Variants in CNTNAP2 observed in about 807,000 individuals in gnomAD.
The protein encoded by CNTNAP2 is contactin associated protein 2.
A neutral mutation model predicts 155.2 loss-of-function variants in CNTNAP2; 98 were observed. The observed-to-expected ratio is 0.63, with a 90% confidence interval of 0.54 to 0.75. The LOEUF (loss-of-function observed/expected upper bound fraction) is 0.75. Ranked by LOEUF, CNTNAP2 falls within the 30% of genes least tolerant of loss-of-function variation. CNTNAP2 has a pLI of 0.00. For synonymous variants in CNTNAP2, 651 were observed against 631.2 expected, an observed-to-expected ratio of 1.03 and a Z score of -0.47; for missense variants, 1,727 against 1,688.1, an observed-to-expected ratio of 1.02 and a Z score of -0.40.
intron 18 of CNTNAP2, among the ~76,000 whole-genome samples, chr7:148,186,651 G>A (rs958640690): frequency 6.6e-6 from 1 of 152,128 alleles, no homozygotes; most frequent in African/African-American, 2.4e-5. Flanking sequence ...CTGGCTCTGG[G>A]TTCAAATTCC....
At chr7:146,633,516 A>G (rs1010443935) in intron 1 of CNTNAP2, among the ~76,000 whole-genome samples, 2 of 152,308 alleles carry the variant, frequency 1.3e-5, no homozygotes, top group South Asian at 4.1e-4. Flanking sequence ...ATAACAGGCC[A>G]TGACATCATT....
intron 3 of CNTNAP2, among the ~76,000 whole-genome samples, chr7:146,918,627 T>C (rs989435088): frequency 6.6e-6 from 1 of 152,192 alleles, no homozygotes. Flanking sequence ...TCCTTTATCT[T>C]GAATTTAGAT....
At chr7:147,021,561 A>T (rs1007492362) in intron 3 of CNTNAP2, among the ~76,000 whole-genome samples, 4 of 152,158 alleles carry the variant, frequency 2.6e-5, no homozygotes, top group African/African-American at 9.7e-5. Flanking sequence ...TAGTGTTGTC[A>T]TGTGTCTCAC....
intron 22 of CNTNAP2, among the ~76,000 whole-genome samples, chr7:148,387,214 C>T (rs972280625): frequency 1.3e-5 from 2 of 152,146 alleles, no homozygotes; most frequent in African/African-American, 2.4e-5. Context: ...GAGTTCCATA[C>T]CAACTCGGGT....
intron 8 of CNTNAP2, among the ~76,000 whole-genome samples, chr7:147,203,839 T>C (rs972114861): frequency 6.6e-6 from 1 of 152,156 alleles, no homozygotes; most frequent in African/African-American, 2.4e-5. Context: ...TAAGCTCTAC[T>C]ACTAATTGTA....
intron 1 of CNTNAP2, among the ~76,000 whole-genome samples, chr7:146,441,357 T>C (rs1796318669): frequency 6.6e-6 from 1 of 151,538 alleles, no homozygotes; most frequent in Admixed American, 6.6e-5. Flanking sequence ...AGACAATTCA[T>C]ATGCAAGTTG....
intron 4 of CNTNAP2, chr7:147,081,466 G>A (rs1487119930): frequency 6.7e-6 from 1 of 150,264 alleles, no homozygotes; most frequent in African/African-American, 2.5e-5. Context: ...CGCCAGGCTG[G>A]AGTGCAGTGG....
intron 1 of CNTNAP2, among the ~76,000 whole-genome samples, chr7:146,467,924 C>T (rs1796738674): frequency 6.6e-6 from 1 of 152,058 alleles, no homozygotes; most frequent in Non-Finnish European, 1.5e-5. Flanking sequence ...TACATGCATA[C>T]ATGGCAGACT....
intron 13 of CNTNAP2, among the ~76,000 whole-genome samples, chr7:147,883,144 T>G (rs2247043): frequency 0.53 from 80,499 of 151,838 alleles, 21,463 homozygotes; most frequent in East Asian, 0.61. Flanking sequence ...TAGAAAGCCT[T>G]GTGCTAGTTA....
intron 18 of CNTNAP2, among the ~76,000 whole-genome samples, chr7:148,212,651 T>G (rs987689149): frequency 6.6e-6 from 1 of 152,238 alleles, no homozygotes; most frequent in African/African-American, 2.4e-5. Flanking sequence ...GATGCTATTT[T>G]GGGCTTGTTA....
intron 1 of CNTNAP2, among the ~76,000 whole-genome samples, chr7:146,319,055 G>A (rs1309977889): frequency 1.3e-5 from 2 of 151,992 alleles, no homozygotes; most frequent in Non-Finnish European, 2.9e-5. Context: ...TCTTAGGGGT[G>A]GGATTTGAGC....
chr7:146,225,623 C>CACAG (rs1429522903), intron 1 of CNTNAP2, among the ~76,000 whole-genome samples: 1 of 152,150 alleles, frequency 6.6e-6, no homozygotes, highest in Non-Finnish European at 1.5e-5. Flanking sequence ...ATTAGCAGTG[C>CACAG]ACAGACAGTC....
At chr7:146,251,316 T>C (rs1799753438) in intron 1 of CNTNAP2, among the ~76,000 whole-genome samples, 1 of 152,186 alleles carries the variant, frequency 6.6e-6, no homozygotes, top group Non-Finnish European at 1.5e-5. Context: ...GTTACAATTA[T>C]ATTATTGTTA....
intron 13 of CNTNAP2, among the ~76,000 whole-genome samples, chr7:147,753,455 C>G (rs901991826): frequency 2.0e-5 from 3 of 152,144 alleles, no homozygotes; most frequent in African/African-American, 7.2e-5. Context: ...AAATTATACG[C>G]AGACTAAATC....
chr7:146,459,960 A>T (rs539134392), intron 1 of CNTNAP2, among the ~76,000 whole-genome samples: 1 of 152,122 alleles, frequency 6.6e-6, no homozygotes, highest in African/African-American at 2.4e-5. Flanking sequence ...ACAGAGCGAG[A>T]CTCCATCTCA....
chr7:146,671,974 C>T (rs1290921211), intron 1 of CNTNAP2, among the ~76,000 whole-genome samples: 1 of 152,010 alleles, frequency 6.6e-6, no homozygotes, highest in Non-Finnish European at 1.5e-5. Context: ...TGCCACTGCA[C>T]CCAAATAATT....
chr7:146,720,964 A>T (rs1199741753), intron 1 of CNTNAP2, among the ~76,000 whole-genome samples: 41 of 110,118 alleles, frequency 3.7e-4, no homozygotes, highest in African/African-American at 2.1e-3. Context: ...ATATATATAC[A>T]GTATATATAT....
intron 12 of CNTNAP2, among the ~76,000 whole-genome samples, chr7:147,600,232 G>A (rs1584844866): frequency 6.6e-6 from 1 of 152,110 alleles, no homozygotes. Context: ...ATTCTAGGAG[G>A]CTTAAAAGTT....
At chr7:146,192,817 G>T (rs1183269862) in intron 1 of CNTNAP2, among the ~76,000 whole-genome samples, 1 of 152,130 alleles carries the variant, frequency 6.6e-6, no homozygotes, top group Non-Finnish European at 1.5e-5. Flanking sequence ...ATAGTCCAAA[G>T]TCTCAACTGA....
Sources: gnomAD v4.1 joint callset for allele counts (sites outside exome capture counted in the v4.1 genomes callset) on GRCh38, gnomAD v4.1.1 for gene constraint, MANE v1.5 for transcripts, NCBI Gene and HGNC (gene_info 2026-07-23, HGNC 2026-07-21) for gene names.